BBS9: variants seen among roughly 807,000 people sequenced by gnomAD.
BBS9 encodes the protein protein PTHB1.
BBS9 carries 89 observed loss-of-function variants against 117.7 expected under a neutral mutation model. That is an observed-to-expected ratio of 0.76 (90% CI 0.64 to 0.90). BBS9 has a LOEUF of 0.90. Among genes scored for constraint, BBS9 ranks in the 40% least tolerant of loss-of-function variants. BBS9 has a pLI of 0.00. For synonymous variants in BBS9, 379 were observed against 370.9 expected (o/e 1.02, Z -0.25); for missense variants, 982 against 1,042.2 (o/e 0.94, Z 0.80).
chr7:33,244,006 C>T (rs1310736806), intron 5 of BBS9, among the ~76,000 whole-genome samples: 2 of 152,074 alleles, frequency 1.3e-5, no homozygotes, highest in African/African-American at 4.8e-5. Context: ...GGCAGATCAC[C>T]TGAGGTCAGG....
At chr7:33,321,216 C>T (rs1384115660) in intron 9 of BBS9, among the ~76,000 whole-genome samples, 1 of 151,980 alleles carries the variant, frequency 6.6e-6, no homozygotes, top group Non-Finnish European at 1.5e-5. Flanking sequence ...TTTGGCTATA[C>T]TGGGTCTTTT....
intron 19 of BBS9, among the ~76,000 whole-genome samples, chr7:33,412,219 G>T (rs928386751): frequency 6.6e-6 from 1 of 152,096 alleles, no homozygotes; most frequent in African/African-American, 2.4e-5. Context: ...AAACTATTTA[G>T]CAGGTAAATA....
chr7:33,269,371 G>A (rs1416693287), intron 7 of BBS9, among the ~76,000 whole-genome samples: 1 of 152,092 alleles, frequency 6.6e-6, no homozygotes, highest in Non-Finnish European at 1.5e-5. Context: ...ATATATGCCT[G>A]TCAGGGACCC....
intron 20 of BBS9, among the ~76,000 whole-genome samples, chr7:33,509,405 T>C (rs1388450184): frequency 6.6e-6 from 1 of 152,184 alleles, no homozygotes; most frequent in Non-Finnish European, 1.5e-5. Context: ...TATGCAAACC[T>C]GAAATAACTT....
At chr7:33,184,005 A>G (rs1395024605) in intron 5 of BBS9, among the ~76,000 whole-genome samples, 2 of 152,198 alleles carry the variant, frequency 1.3e-5, no homozygotes, top group Non-Finnish European at 2.9e-5. Context: ...GAGTTGCTAT[A>G]GCTTAAGACC....
chr7:33,328,217 C>T (rs1813241970), intron 9 of BBS9, among the ~76,000 whole-genome samples: 1 of 152,166 alleles, frequency 6.6e-6, no homozygotes, highest in Admixed American at 6.5e-5. Context: ...CATCCTCTGC[C>T]CTGTGAAGCC....
chr7:33,521,973 A>G (rs1848684574), intron 20 of BBS9, among the ~76,000 whole-genome samples: 1 of 139,280 alleles, frequency 7.2e-6, no homozygotes, highest in African/African-American at 2.7e-5. Context: ...TTCAGTTCCC[A>G]CCTATGAGTG....
intron 17 of BBS9, among the ~76,000 whole-genome samples, chr7:33,376,264 A>G (rs188799625): frequency 1.3e-5 from 2 of 152,106 alleles, no homozygotes; most frequent in East Asian, 3.9e-4. Context: ...GCTCCTACTT[A>G]TAAGTGAGAA....
intron 21 of BBS9, among the ~76,000 whole-genome samples, chr7:33,615,841 A>C (rs1401190943): frequency 1.3e-5 from 2 of 152,042 alleles, no homozygotes; most frequent in Non-Finnish European, 2.9e-5. Context: ...CCTGCCTATT[A>C]AGGAGAAAAT....
At chr7:33,291,896 G>T (rs1490639779) in intron 9 of BBS9, among the ~76,000 whole-genome samples, 8 of 152,192 alleles carry the variant, frequency 5.3e-5, no homozygotes. Context: ...CCTGTGGTGT[G>T]TAGTCTTTAG....
At chr7:33,490,912 G>A (rs573051287) in intron 19 of BBS9, among the ~76,000 whole-genome samples, 1 of 152,258 alleles carries the variant, frequency 6.6e-6, no homozygotes, top group South Asian at 2.1e-4. Flanking sequence ...GGGCTTTGTT[G>A]GGTAGCCAGT....
intron 5 of BBS9, among the ~76,000 whole-genome samples, chr7:33,239,856 A>G (rs1187948280): frequency 3.3e-5 from 5 of 152,082 alleles, no homozygotes; most frequent in African/African-American, 1.2e-4. Flanking sequence ...AATATAAAAA[A>G]TTAGCCAGGC....
intron 15 of BBS9, 190 bp from the exon 16 acceptor site, chr7:33,357,665 G>C (rs567872227): frequency 2.9e-6 from 2 of 696,240 alleles, no homozygotes; most frequent in Admixed American, 4.2e-5. Flanking sequence ...TTTTTGCCTT[G>C]TACCTTTTGA....
In BBS9 at chr7:33,237,564, G is replaced by A. The variant is rs41336846; in HGVS notation, c.443-19672G>A. Among the ~76,000 whole-genome samples the A allele has an allele frequency of 7.0e-3, 1,050 of 150,286 alleles. 13 individuals carry two copies. Among genetic ancestry groups the A allele is most frequent in the African/African-American group, 0.024 (998 of 40,896 alleles). ...TAGTGGTATGTGTTGATCTTGTGGT[G>A]GAAAATAGAGGCAGTTGGCTAAATA... On this transcript the variant is annotated intron_variant, in intron 5 of 22. Coordinates refer to ENST00000242067, the MANE Select transcript of BBS9 (RefSeq NM_198428.3).
At chr7:33,496,838 G>T (rs1337645890) in intron 19 of BBS9, among the ~76,000 whole-genome samples, 1 of 152,170 alleles carries the variant, frequency 6.6e-6, no homozygotes, top group Non-Finnish European at 1.5e-5. Flanking sequence ...CCATCTCCAT[G>T]CCGTTTCTTT....
intron 21 of BBS9, among the ~76,000 whole-genome samples, chr7:33,616,748 T>A (rs1865159645): frequency 6.6e-6 from 1 of 151,962 alleles, no homozygotes; most frequent in Non-Finnish European, 1.5e-5. Context: ...AAAGTGCAGT[T>A]TTGTTACATG....
At position 33,527,776 on chromosome 7, in the gene BBS9, G is replaced by A. The variant is rs536834317; in HGVS notation, c.2299-6178G>A. Among the ~76,000 whole-genome samples, 113 of 152,158 alleles carry A rather than the reference G, an allele frequency of 7.4e-4. 2 individuals are homozygous for A. The highest frequency in any genetic ancestry group is 2.6e-3 in the African/African-American group (109 of 41,524). The stretch of plus-strand genomic sequence containing the variant: ...TTTGGCCATCTTGGCTCCTCCTCTC[G>A]GGCTGTTTTATTTTTCAAAGGTGAA... On this transcript the variant is annotated intron_variant, in intron 20 of 22. Coordinates refer to ENST00000242067, the MANE Select transcript of BBS9 (RefSeq NM_198428.3).
At chr7:33,165,861 C>G (rs1275596808) in intron 4 of BBS9, among the ~76,000 whole-genome samples, 2 of 152,134 alleles carry the variant, frequency 1.3e-5, no homozygotes, top group Non-Finnish European at 2.9e-5. Context: ...CATTCTCCGT[C>G]AAGCTTTGTT....
At chr7:33,462,398 C>T (rs1460306113) in intron 19 of BBS9, among the ~76,000 whole-genome samples, 4 of 151,996 alleles carry the variant, frequency 2.6e-5, no homozygotes, top group African/African-American at 9.7e-5. Context: ...ATAGTTGAGA[C>T]GTGGCATTGG....
Sources: gnomAD v4.1 joint callset for allele counts (sites outside exome capture counted in the v4.1 genomes callset) on GRCh38, gnomAD v4.1.1 for gene constraint, MANE v1.5 for transcripts, NCBI Gene and HGNC (gene_info 2026-07-23, HGNC 2026-07-21) for gene names.